Variants in DNM3 observed in about 807,000 individuals in gnomAD.
DNM3 encodes dynamin 3.
Under a neutral mutation model 101.6 loss-of-function variants are expected in DNM3, and 47 were observed. The ratio of observed to expected loss-of-function variants is 0.46; its 90% CI spans 0.37 to 0.59. DNM3 has a LOEUF of 0.59. Among genes scored for constraint, DNM3 ranks in the 20% least tolerant of loss-of-function variants. The pLI, the probability that DNM3 is intolerant of heterozygous loss-of-function variation, is 0.00. For missense variants in DNM3, 849 were observed against 1,085.7 expected (o/e 0.78, Z 3.06); for synonymous variants, 385 against 387.9 (o/e 0.99, Z 0.09).
chr1:171,976,269 T>G (rs748450867), intron 2 of DNM3, among the ~76,000 whole-genome samples: 33 of 152,366 alleles, frequency 2.2e-4, no homozygotes, highest in Admixed American at 6.5e-4. Context: ...GAATTTGTCA[T>G]GATGACTGTT....
At chr1:172,213,005 G>A (rs1216225141) in intron 14 of DNM3, among the ~76,000 whole-genome samples, 4 of 152,094 alleles carry the variant, frequency 2.6e-5, no homozygotes, top group African/African-American at 9.7e-5. Flanking sequence ...GAACTAAGTT[G>A]CCCAGGTCAA....
intron 15 of DNM3, among the ~76,000 whole-genome samples, chr1:172,266,041 A>C (rs1354375156): frequency 6.6e-6 from 1 of 152,180 alleles, no homozygotes; most frequent in Non-Finnish European, 1.5e-5. Context: ...CTTAGTTCCC[A>C]GCATATTGCT....
At chr1:172,052,369 A>G (rs1351568493) in intron 10 of DNM3, among the ~76,000 whole-genome samples, 1 of 152,158 alleles carries the variant, frequency 6.6e-6, no homozygotes, top group Non-Finnish European at 1.5e-5. Flanking sequence ...CATTTTAAAA[A>G]ATCAACATAT....
intron 4 of DNM3, among the ~76,000 whole-genome samples, chr1:172,017,709 T>C (rs1454159253): frequency 6.6e-6 from 1 of 152,160 alleles, no homozygotes; most frequent in Non-Finnish European, 1.5e-5. Context: ...GTCCATTATA[T>C]CCAGTTGATT....
At chr1:172,243,954 C>T (rs569163839) in intron 14 of DNM3, among the ~76,000 whole-genome samples, 356 of 151,666 alleles carry the variant, frequency 2.3e-3, no homozygotes, top group African/African-American at 7.9e-3. Context: ...CATGCTGGTG[C>T]GCTGCACCCA....
At chr1:171,884,256 G>A (rs889302687) in intron 1 of DNM3, among the ~76,000 whole-genome samples, 1 of 152,128 alleles carries the variant, frequency 6.6e-6, no homozygotes, top group Non-Finnish European at 1.5e-5. Flanking sequence ...AGGAAAGGTT[G>A]GTTAAGTCTG....
chr1:172,262,734 A>G (rs2062710595), intron 15 of DNM3, among the ~76,000 whole-genome samples: 1 of 152,180 alleles, frequency 6.6e-6, no homozygotes, highest in South Asian at 2.1e-4. Flanking sequence ...TGATCTAGGC[A>G]GCCATCTTGA....
chr1:172,059,026 A>C (rs145434605), intron 10 of DNM3, among the ~76,000 whole-genome samples: 53,079 of 151,706 alleles, frequency 0.35, 10,171 homozygotes, highest in East Asian at 0.68. Flanking sequence ...ACCACAGATC[A>C]CACAGAAATA....
chr1:172,232,463 A>G (rs1039041784), intron 14 of DNM3, among the ~76,000 whole-genome samples: 11 of 152,154 alleles, frequency 7.2e-5, no homozygotes, highest in Non-Finnish European at 1.0e-4. Flanking sequence ...CCCACTGTCA[A>G]CATAAGACAG....
At chr1:172,168,871 G>A (rs1266451453) in intron 14 of DNM3, among the ~76,000 whole-genome samples, 1 of 151,856 alleles carries the variant, frequency 6.6e-6, no homozygotes, top group South Asian at 2.1e-4. Context: ...TGCAAAACCC[G>A]AAGATTATCA....
downstream of DNM3, among the ~76,000 whole-genome samples, chr1:172,417,160 G>C (rs2071458820): frequency 6.6e-6 from 1 of 152,102 alleles, no homozygotes; most frequent in Admixed American, 6.5e-5. Context: ...ATGGAAGTGA[G>C]CGTTGTTGAA....
intron 16 of DNM3, among the ~76,000 whole-genome samples, chr1:172,320,845 T>C (rs1330789905): frequency 2.0e-5 from 3 of 152,196 alleles, no homozygotes; most frequent in African/African-American, 7.2e-5. Flanking sequence ...GCGCGCCTAC[T>C]GGTAGGAAGT....
intron 2 of DNM3, among the ~76,000 whole-genome samples, chr1:171,973,662 A>T (rs1466739355): frequency 1.3e-5 from 2 of 149,360 alleles, no homozygotes; most frequent in African/African-American, 5.0e-5. Flanking sequence ...CATGGGTCTG[A>T]CTCCAAAATC....
chr1:172,194,413 CTT>C (rs2059866508), intron 14 of DNM3, among the ~76,000 whole-genome samples: 1 of 152,044 alleles, frequency 6.6e-6, no homozygotes, highest in African/African-American at 2.4e-5. Context: ...TCCTGGATGT[CTT>C]TGTTAACTTT....
At chr1:171,986,758 A>T (rs2045289500) in intron 2 of DNM3, among the ~76,000 whole-genome samples, 1 of 151,784 alleles carries the variant, frequency 6.6e-6, no homozygotes, top group South Asian at 2.1e-4. Context: ...CAAGATGCTT[A>T]GGCATAGTCT....
intron 2 of DNM3, among the ~76,000 whole-genome samples, chr1:171,959,981 C>T (rs1401582393): frequency 6.6e-6 from 1 of 152,080 alleles, no homozygotes; most frequent in African/African-American, 2.4e-5. Flanking sequence ...GAATAGTGCC[C>T]TCCCAAAATT....
intron 3 of DNM3, 29 bp from the exon 4 acceptor site, chr1:171,988,916 T>G (rs1299650075): frequency 6.5e-7 from 1 of 1,543,426 alleles, no homozygotes; most frequent in Non-Finnish European, 8.8e-7. Context: ...TGAAGGTGTA[T>G]GTAAGACTCC....
At chr1:172,209,702 C>G (rs898522526) in intron 14 of DNM3, among the ~76,000 whole-genome samples, 2 of 152,032 alleles carry the variant, frequency 1.3e-5, no homozygotes, top group African/African-American at 4.8e-5. Context: ...GGCTTGTAAG[C>G]ACATATAACC....
At chr1:172,102,218 G>C (rs2054698970) in intron 13 of DNM3, among the ~76,000 whole-genome samples, 1 of 152,120 alleles carries the variant, frequency 6.6e-6, no homozygotes, top group Non-Finnish European at 1.5e-5. Context: ...CGGCTTTATA[G>C]AAATTAATCT....
Sources: gnomAD v4.1 joint callset for allele counts (sites outside exome capture counted in the v4.1 genomes callset) on GRCh38, gnomAD v4.1.1 for gene constraint, MANE v1.5 for transcripts, NCBI Gene and HGNC (gene_info 2026-07-23, HGNC 2026-07-21) for gene names.